The following MACROD2 variants were observed in gnomAD, a reference collection of about 807,000 sequenced individuals.
The protein encoded by MACROD2 is ADP-ribose glycohydrolase MACROD2.
Under a neutral mutation model 70.4 loss-of-function variants are expected in MACROD2, and 36 were observed. The observed-to-expected ratio is 0.51, with a 90% CI of 0.39 to 0.68. The LOEUF (loss-of-function observed/expected upper bound fraction) is 0.68, where lower values mean the gene tolerates loss of function less well. MACROD2 is among the 30% of genes least tolerant of loss of function. The pLI, the probability that MACROD2 is intolerant of heterozygous loss-of-function variation, is 0.00. For synonymous variants in MACROD2, 172 were observed against 178.8 expected (o/e 0.96, Z 0.30); for missense variants, 496 against 538.4 (o/e 0.92, Z 0.78).
intron 12 of MACROD2, 136 bp from the exon 13 acceptor site, chr20:15,967,415 CAT>C: frequency 1.6e-6 from 1 of 630,174 alleles, no homozygotes; most frequent in South Asian, 2.7e-5. Flanking sequence ...TATTGGCAAA[CAT>C]ATGTATTTGA....
intron 6 of MACROD2, among the ~76,000 whole-genome samples, chr20:15,335,214 T>TATATAATTTTATATAATTTATATAA (rs2078035308): frequency 1.3e-5 from 2 of 151,814 alleles, no homozygotes; most frequent in African/African-American, 2.4e-5. Context: ...GCTTAGTGAC[T>TATATAATTTTATATAATTTATATAA]TGCTCTTTAT....
rs972315301 is a variant in MACROD2, at chr20:16,042,458, T to G, written c.1231+1180T>G. ...TGAAATACGGAGTTTTAGTCCTCAC[T>G]TAGAGATTCACCATACACAGCAGAG... On this transcript the variant is annotated intron_variant, in intron 16 of 17. Transcript: ENST00000684519. Among the ~76,000 whole-genome samples the G allele has an allele frequency of 5.9e-5, 9 of 152,152 alleles. No homozygotes were observed. The East Asian group carries it at 1.7e-3, about 29-fold the overall frequency.
At chr20:15,513,899 A>G (rs1393205800) in intron 8 of MACROD2, among the ~76,000 whole-genome samples, 1 of 152,240 alleles carries the variant, frequency 6.6e-6, no homozygotes, top group Non-Finnish European at 1.5e-5. Context: ...AATGAAGTAG[A>G]AACATTCTTT....
chr20:15,916,455 C>T (rs966031280), intron 10 of MACROD2, among the ~76,000 whole-genome samples: 5 of 152,184 alleles, frequency 3.3e-5, no homozygotes, highest in Admixed American at 1.3e-4. Context: ...CCTGCATACA[C>T]GCAAGAGGAG....
chr20:14,865,899 G>T (rs897765653), intron 5 of MACROD2, among the ~76,000 whole-genome samples: 2 of 152,100 alleles, frequency 1.3e-5, no homozygotes, highest in South Asian at 4.1e-4. Flanking sequence ...TTCTCAAAAA[G>T]ATGTGCTTGC....
At chr20:15,226,026 A>T (rs1379864039) in intron 5 of MACROD2, among the ~76,000 whole-genome samples, 1 of 152,194 alleles carries the variant, frequency 6.6e-6, no homozygotes, top group African/African-American at 2.4e-5. Context: ...ACCATGATTG[A>T]TGCTCATTTA....
At chr20:15,603,334 C>T (rs1469006926) in intron 8 of MACROD2, among the ~76,000 whole-genome samples, 1 of 148,846 alleles carries the variant, frequency 6.7e-6, no homozygotes, top group Non-Finnish European at 1.5e-5. Context: ...CCCATCTCTA[C>T]TAAAAATATT....
chr20:15,633,198 G>T (rs545115702), intron 8 of MACROD2, among the ~76,000 whole-genome samples: 4 of 150,278 alleles, frequency 2.7e-5, no homozygotes, highest in Admixed American at 6.6e-5. Context: ...AAATATGAAT[G>T]CATTGAAATA....
chr20:15,527,883 C>G (rs2047742655), intron 8 of MACROD2, among the ~76,000 whole-genome samples: 1 of 152,210 alleles, frequency 6.6e-6, no homozygotes, highest in African/African-American at 2.4e-5. Context: ...TTCTCCATAG[C>G]ACTTATCAAC....
intron 15 of MACROD2, among the ~76,000 whole-genome samples, chr20:16,036,399 T>C (rs2067237055): frequency 6.6e-6 from 1 of 152,046 alleles, no homozygotes; most frequent in Non-Finnish European, 1.5e-5. Context: ...ACTTTTTATG[T>C]AACTCCACTA....
intron 8 of MACROD2, among the ~76,000 whole-genome samples, chr20:15,748,029 T>C (rs1405227448): frequency 6.6e-6 from 1 of 152,174 alleles, no homozygotes; most frequent in African/African-American, 2.4e-5. Flanking sequence ...ATAGCTCTTT[T>C]AAAATGTGTT....
chr20:14,762,540 T>A (rs1369005249), intron 5 of MACROD2, among the ~76,000 whole-genome samples: 1 of 152,174 alleles, frequency 6.6e-6, no homozygotes, highest in Non-Finnish European at 1.5e-5. Context: ...ACTTACTTAC[T>A]GAGCATTTAT....
chr20:14,013,600 T>C (rs1288917099), intron 2 of MACROD2, among the ~76,000 whole-genome samples: 1 of 152,008 alleles, frequency 6.6e-6, no homozygotes, highest in East Asian at 1.9e-4. Context: ...TAAGATTATT[T>C]TGACAACACA....
intron 5 of MACROD2, among the ~76,000 whole-genome samples, chr20:15,210,736 C>T (rs571813450): frequency 6.6e-6 from 1 of 152,068 alleles, no homozygotes; most frequent in African/African-American, 2.4e-5. Context: ...CTCATGAGAT[C>T]GTTGTTTAAA....
intron 8 of MACROD2, among the ~76,000 whole-genome samples, chr20:15,624,070 A>G (rs1386412255): frequency 6.6e-6 from 1 of 152,190 alleles, no homozygotes; most frequent in Non-Finnish European, 1.5e-5. Context: ...AGGGAAGCCA[A>G]CAGTGCAGCC....
intron 5 of MACROD2, among the ~76,000 whole-genome samples, chr20:14,697,049 G>C (rs1489286814): frequency 6.6e-6 from 1 of 152,136 alleles, no homozygotes; most frequent in Non-Finnish European, 1.5e-5. Flanking sequence ...TGTTCAGTTT[G>C]TGGAGCTGTT....
chr20:14,849,738 G>A (rs925337669), intron 5 of MACROD2, among the ~76,000 whole-genome samples: 15 of 152,210 alleles, frequency 9.9e-5, no homozygotes, highest in Middle Eastern at 3.4e-3. Flanking sequence ...CTGAGATTGC[G>A]CCAGTGCACT....
intron 5 of MACROD2, among the ~76,000 whole-genome samples, chr20:14,822,337 T>A (rs2072854996): frequency 6.6e-6 from 1 of 152,034 alleles, no homozygotes; most frequent in Admixed American, 6.6e-5. Flanking sequence ...GATGGATAAG[T>A]TTTAGGGTAT....
chr20:15,751,428 A>C (rs2051267783), intron 8 of MACROD2, among the ~76,000 whole-genome samples: 1 of 152,132 alleles, frequency 6.6e-6, no homozygotes, highest in African/African-American at 2.4e-5. Context: ...AGAAGTATGC[A>C]CTGAACTAAC....
Sources: gnomAD v4.1 joint callset for allele counts (sites outside exome capture counted in the v4.1 genomes callset) on GRCh38, gnomAD v4.1.1 for gene constraint, MANE v1.5 for transcripts, NCBI Gene and HGNC (gene_info 2026-07-23, HGNC 2026-07-21) for gene names.